MSN: variants seen among roughly 807,000 people sequenced by gnomAD.
MSN encodes the protein moesin, also known as epididymis luminal protein 70.
Under a neutral mutation model 48.0 loss-of-function variants are expected in MSN, and 2 were observed. The observed-to-expected ratio is 0.04, with a 90% CI of 0.02 to 0.13. MSN has a LOEUF of 0.13. Ranked by LOEUF, MSN falls within the 10% of genes least tolerant of loss-of-function variation. The pLI is 1.00. For missense variants in MSN, 267 were observed against 470.1 expected (o/e 0.57, Z 3.99); for synonymous variants, 146 against 166.9 (o/e 0.87, Z 0.97).
chrX:65,645,946 A>T (rs1396650646), intron 1 of MSN, among the ~76,000 whole-genome samples: 1 of 111,890 alleles, frequency 8.9e-6, no homozygotes, highest in South Asian at 3.7e-4. Context: ...CTAATCCGAA[A>T]AGTTGGCACT....
intron 9 of MSN, 114 bp downstream of exon 9, chrX:65,737,039 T>G (rs1434802677): frequency 4.4e-6 from 5 of 1,129,918 alleles, no homozygotes; most frequent in Middle Eastern, 2.5e-4. Flanking sequence ...GGCTACAGAC[T>G]AGAAGAAGAA....
At chrX:65,661,757 C>T (rs1464709989) in intron 1 of MSN, among the ~76,000 whole-genome samples, 2 of 112,068 alleles carry the variant, frequency 1.8e-5, no homozygotes, top group Non-Finnish European at 3.8e-5. Context: ...CTGTGGCTGA[C>T]ACCTGTAATC....
intron 1 of MSN, among the ~76,000 whole-genome samples, chrX:65,697,455 T>C (rs2071256420): frequency 9.0e-6 from 1 of 111,582 alleles, no homozygotes; most frequent in Non-Finnish European, 1.9e-5. Context: ...CCGAGCTGTT[T>C]AGAGAGGAGA....
chrX:65,716,515 A>T, intron 1 of MSN: 3 of 345,535 alleles, frequency 8.7e-6, no homozygotes, highest in Non-Finnish European at 1.7e-5. Flanking sequence ...GCCTCAAGCA[A>T]TCCACCCACC....
intron 1 of MSN, among the ~76,000 whole-genome samples, chrX:65,689,336 G>A (rs1276040069): frequency 8.9e-6 from 1 of 111,889 alleles, no homozygotes; most frequent in Non-Finnish European, 1.9e-5. Context: ...GCGGAACTGA[G>A]CCAAATGGAC....
chrX:65,716,720 C>A, intron 1 of MSN, 98 bp from the exon 2 acceptor site: 2 of 763,752 alleles, frequency 2.6e-6, no homozygotes, highest in Non-Finnish European at 4.0e-6. Flanking sequence ...CTCTTAGCAT[C>A]CTAACTCCTT....
At chrX:65,720,980 G>A (rs1479232764) in intron 2 of MSN, among the ~76,000 whole-genome samples, 1 of 111,907 alleles carries the variant, frequency 8.9e-6, no homozygotes, top group African/African-American at 3.2e-5. Flanking sequence ...TAAAGCTTTT[G>A]ATCTTGGATT....
upstream of MSN, among the ~76,000 whole-genome samples, chrX:65,665,508 A>C (rs1235784882): frequency 1.8e-5 from 2 of 111,661 alleles, no homozygotes; most frequent in Non-Finnish European, 3.8e-5. Flanking sequence ...CACATCAATG[A>C]ATCTTGTTAG....
chrX:65,737,239 C>A lies in MSN; in HGVS notation c.1152C>A (p.Ser384Arg). 1.7e-6 allele frequency: 2 copies of A among 1,209,554 alleles called. No homozygotes were observed. The highest frequency in any genetic ancestry group is 1.1e-6 in the Non-Finnish European group (1 of 894,564). ...AGCAGGAACGGAAGCGTGCCCAGAG[C>A]GAGGCTGAAAAGCTGGCCAAGGAGC... ...ELEQERKRAQSEAEKLAKERQ... is the reference protein window; with the variant it reads ...ELEQERKRAQREAEKLAKERQ... Residue 384 changes from serine (S) to arginine (R), a missense_variant, in exon 10 of 13, where the codon AGC becomes AGA. Ser to Arg is a moderately radical substitution (Grantham distance 110). Coordinates refer to ENST00000360270, the MANE Select transcript of MSN (RefSeq NM_002444.3).
intron 1 of MSN, among the ~76,000 whole-genome samples, chrX:65,589,330 A>G (rs986937175): frequency 3.6e-5 from 4 of 110,816 alleles, no homozygotes; most frequent in Non-Finnish European, 5.7e-5. Context: ...CCGTGGCACA[A>G]CTATTCTCTC....
At chrX:65,644,662 A>ATGAGG (rs1406194148) in intron 1 of MSN, among the ~76,000 whole-genome samples, 1 of 112,092 alleles carries the variant, frequency 8.9e-6, no homozygotes, top group African/African-American at 3.2e-5. Flanking sequence ...GACTTCTCAG[A>ATGAGG]TGAGGTGAGC....
At chrX:65,693,988 G>T (rs1371443268) in intron 1 of MSN, among the ~76,000 whole-genome samples, 3 of 110,285 alleles carry the variant, frequency 2.7e-5, no homozygotes, top group Non-Finnish European at 5.7e-5. Flanking sequence ...AGGAGGCGGA[G>T]GTTGCAGTGA....
intron 1 of MSN, among the ~76,000 whole-genome samples, chrX:65,621,519 T>C (rs2070446093): frequency 8.9e-6 from 1 of 112,027 alleles, no homozygotes; most frequent in South Asian, 3.7e-4. Flanking sequence ...ACCTTCATAG[T>C]AATTTTAGAG....
intron 1 of MSN, among the ~76,000 whole-genome samples, chrX:65,639,553 G>T (rs1481568474): frequency 1.8e-5 from 2 of 112,032 alleles, no homozygotes; most frequent in Admixed American, 9.5e-5. Context: ...TGGGAAGGGT[G>T]TGGACTCCAG....
intron 1 of MSN, among the ~76,000 whole-genome samples, chrX:65,672,021 T>C (rs1320657738): frequency 8.9e-6 from 1 of 112,295 alleles, no homozygotes; most frequent in Non-Finnish European, 1.9e-5. Flanking sequence ...TCTAGTCTAT[T>C]TCCCCTGCCT....
At chrX:65,645,671 C>A (rs747814279) in intron 1 of MSN, among the ~76,000 whole-genome samples, 1 of 111,344 alleles carries the variant, frequency 9.0e-6, no homozygotes, top group Non-Finnish European at 1.9e-5. Context: ...GGTGTGGCTC[C>A]AACATAGAGG....
At chrX:65,721,283 G>A (rs1241824862) in intron 2 of MSN, among the ~76,000 whole-genome samples, 1 of 112,358 alleles carries the variant, frequency 8.9e-6, no homozygotes, top group Non-Finnish European at 1.9e-5. Context: ...CTGTTACTTC[G>A]CTGTGTGACC....
chrX:65,653,665 G>C (rs1176410516), intron 1 of MSN, among the ~76,000 whole-genome samples: 1 of 109,283 alleles, frequency 9.2e-6, no homozygotes, highest in Non-Finnish European at 1.9e-5. Flanking sequence ...CCATGTGTAT[G>C]GATAACATAC....
At chrX:65,700,057 A>G (rs2147483285) in intron 1 of MSN, among the ~76,000 whole-genome samples, 1 of 111,960 alleles carries the variant, frequency 8.9e-6, no homozygotes, top group South Asian at 3.7e-4. Context: ...GCATGGGGCT[A>G]GGATTATTGT....
Sources: allele counts gnomAD v4.1 joint callset (sites outside exome capture counted in the v4.1 genomes callset), GRCh38; gene constraint gnomAD v4.1.1; transcripts MANE v1.5; gene names NCBI Gene and HGNC (gene_info 2026-07-23, HGNC 2026-07-21).